Variants in SLIT1 observed in about 807,000 individuals in gnomAD.
The protein encoded by SLIT1 is slit homolog 1 protein.
SLIT1 carries 66 observed loss-of-function variants against 186.1 expected under a neutral mutation model. That is an observed-to-expected ratio of 0.35 (90% confidence interval 0.29 to 0.44). The LOEUF is 0.44. Among genes scored for constraint, SLIT1 ranks in the 20% least tolerant of loss-of-function variants. SLIT1 has a pLI of 1.00. For synonymous variants in SLIT1, 761 were observed against 833.8 expected (o/e 0.91, Z 1.50); for missense variants, 1,638 against 2,037.4 (o/e 0.80, Z 3.77).
At chr10:97,015,811 T>C (rs948167384) in intron 28 of SLIT1, among the ~76,000 whole-genome samples, 3 of 152,210 alleles carry the variant, frequency 2.0e-5, no homozygotes, top group African/African-American at 7.2e-5. Flanking sequence ...AAAAAAACTT[T>C]AAGTTTTAAC....
At chr10:97,112,568 G>A (rs1451689724) in intron 4 of SLIT1, among the ~76,000 whole-genome samples, 1 of 152,270 alleles carries the variant, frequency 6.6e-6, no homozygotes, top group African/African-American at 2.4e-5. Context: ...CACACTATGA[G>A]GTACTACCAT....
At chr10:97,098,699 C>G (rs755198779) in intron 4 of SLIT1, among the ~76,000 whole-genome samples, 1 of 152,308 alleles carries the variant, frequency 6.6e-6, no homozygotes, top group Non-Finnish European at 1.5e-5. Flanking sequence ...CGTGGTGTCT[C>G]AGGAAGATGA....
chr10:97,151,221 C>G (rs1849874815), intron 4 of SLIT1, among the ~76,000 whole-genome samples: 1 of 152,146 alleles, frequency 6.6e-6, no homozygotes. Flanking sequence ...CCCTCAGGAA[C>G]TATTGGATCA....
At chr10:97,130,467 A>G (rs771321438) in intron 4 of SLIT1, among the ~76,000 whole-genome samples, 3 of 152,234 alleles carry the variant, frequency 2.0e-5, no homozygotes, top group Non-Finnish European at 4.4e-5. Flanking sequence ...TGTGGATGAA[A>G]CTTGATGACA....
At chr10:97,038,366 C>T (rs1432658049) in intron 21 of SLIT1, among the ~76,000 whole-genome samples, 1 of 152,212 alleles carries the variant, frequency 6.6e-6, no homozygotes, top group Non-Finnish European at 1.5e-5. Flanking sequence ...CTGTGCACCA[C>T]CACCCATGCC....
At chr10:97,063,371 A>G in intron 8 of SLIT1, 84 bp downstream of exon 8, 1 of 1,465,770 alleles carries the variant, frequency 6.8e-7, no homozygotes, top group South Asian at 1.2e-5. Flanking sequence ...CAGGCCAGGT[A>G]TTAATGTCGA....
chr10:97,166,981 A>G (rs1850129875), intron 1 of SLIT1, among the ~76,000 whole-genome samples: 1 of 152,210 alleles, frequency 6.6e-6, no homozygotes, highest in African/African-American at 2.4e-5. Context: ...CATTCAACGC[A>G]TCCTCCCGCT....
At position 97,067,639 on chromosome 10, in the gene SLIT1, C is replaced by A. The variant is rs541096298; in HGVS notation, c.414-1553G>T. Among the ~76,000 whole-genome samples the A allele has an allele frequency of 3.3e-5, 5 of 152,284 alleles. No homozygotes were observed. In the East Asian group the frequency reaches 9.6e-4, roughly 29 times the overall value. ...GCCCTGGGGGTAGGAACTGCCATTG[C>A]GCCCATTTCACAGAGGAGGGAGCTG... On this transcript the variant is annotated intron_variant, in intron 4 of 36. Transcript: ENST00000266058.
chr10:97,008,696 CAA>C (rs200303813), intron 31 of SLIT1, among the ~76,000 whole-genome samples: 20,396 of 96,380 alleles, frequency 0.21, 1,778 homozygotes, highest in East Asian at 0.48. Flanking sequence ...AACTCTGTCT[CAA>C]AAAAAAAAAA....
intron 4 of SLIT1, among the ~76,000 whole-genome samples, chr10:97,156,408 T>C (rs1849952774): frequency 6.6e-6 from 1 of 151,994 alleles, no homozygotes; most frequent in South Asian, 2.1e-4. Context: ...CAAAACCCCG[T>C]CTCTACAAAA....
chr10:97,073,691 G>C (rs1166142883), intron 4 of SLIT1, among the ~76,000 whole-genome samples: 1 of 152,164 alleles, frequency 6.6e-6, no homozygotes, highest in African/African-American at 2.4e-5. Flanking sequence ...GAGAGGCCAG[G>C]GTGCTGAGGA....
intron 4 of SLIT1, among the ~76,000 whole-genome samples, chr10:97,121,995 A>G (rs562781707): frequency 6.6e-6 from 1 of 152,344 alleles, no homozygotes; most frequent in South Asian, 2.1e-4. Context: ...TACAGATGGG[A>G]GAACAAGGTG....
At position 97,049,064 on chromosome 10, in the gene SLIT1, G is replaced by T. The variant is rs561139048; in HGVS notation, c.1356C>A (p.Asp452Glu). 6.2e-7 allele frequency: 1 copy of T among 1,613,746 alleles called. No individual in the cohort carries two copies. The highest frequency in any genetic ancestry group is 8.5e-7 in the Non-Finnish European group (1 of 1,180,052). ...TCTCGATGGGATTGGTGCGCAGGAAGTCTGCCAGCCACTTGAGGTTACAGT... is the reference window on the plus strand; with the variant it reads ...TCTCGATGGGATTGGTGCGCAGGAATTCTGCCAGCCACTTGAGGTTACAGT... ...ICDCNLKWLADFLRTNPIETS... is the reference protein window; with the variant it reads ...ICDCNLKWLAEFLRTNPIETS... Residue 452 changes from aspartate to glutamate, a missense_variant, in exon 14 of 37, where the codon GAC becomes GAA. By Grantham distance (45) the Asp-to-Glu change is conservative. This residue lies in a region of SLIT1 where 1,245 missense variants were observed against 1,535.3 expected (regional missense o/e 0.81). Transcript: ENST00000266058.
intron 22 of SLIT1, 35 bp downstream of exon 22, chr10:97,037,663 A>G (rs2134617054): frequency 6.4e-7 from 1 of 1,552,166 alleles, no homozygotes; most frequent in Non-Finnish European, 8.9e-7. Context: ...TAGATGCCAA[A>G]GGCCCTCCTG....
intron 1 of SLIT1, among the ~76,000 whole-genome samples, chr10:97,175,765 A>G (rs1342655740): frequency 1.3e-5 from 2 of 151,864 alleles, no homozygotes; most frequent in Non-Finnish European, 2.9e-5. Flanking sequence ...CTAGGCCTCC[A>G]TGCTCTCTAT....
intron 4 of SLIT1, among the ~76,000 whole-genome samples, chr10:97,098,164 A>C (rs531367574): frequency 6.6e-6 from 1 of 152,308 alleles, no homozygotes; most frequent in African/African-American, 2.4e-5. Flanking sequence ...AGGGAATGTG[A>C]ACGTGCACAC....
chr10:97,105,173 T>C (rs1849400552), intron 4 of SLIT1, among the ~76,000 whole-genome samples: 1 of 152,210 alleles, frequency 6.6e-6, no homozygotes, highest in Non-Finnish European at 1.5e-5. Flanking sequence ...AAGGGGGGCA[T>C]GCTCCTTCCT....
At position 97,002,136 on chromosome 10, in the gene SLIT1, C is replaced by T. The variant is rs755587123; in HGVS notation, c.4366+22G>A. On this transcript the variant is annotated intron_variant, in intron 36 of 36. Coordinates refer to ENST00000266058, the MANE Select transcript of SLIT1 (RefSeq NM_003061.3). ...TTTGTGGGGGACCCTGGGGAGGGCA[C>T]GTCAGGAGGGGGGCCCCTGACCTTG... 14 of 1,405,840 alleles carry T rather than the reference C, an allele frequency of 1.0e-5. No individual in the cohort carries two copies. The South Asian group carries it at 1.4e-4, about 14-fold the overall frequency. 87.1% of individuals were successfully genotyped at this position (1,405,840 alleles called of 1,614,324 possible).
intron 4 of SLIT1, among the ~76,000 whole-genome samples, chr10:97,114,643 G>A (rs1321180941): frequency 6.6e-6 from 1 of 152,134 alleles, no homozygotes; most frequent in Admixed American, 6.5e-5. Flanking sequence ...TGGTGACAAA[G>A]TGAGACCCTG....
Sources: allele counts gnomAD v4.1 joint callset (sites outside exome capture counted in the v4.1 genomes callset), GRCh38; gene constraint gnomAD v4.1.1; regional missense constraint gnomAD v4.1.1; transcripts MANE v1.5; gene names NCBI Gene and HGNC (gene_info 2026-07-23, HGNC 2026-07-21).